The following FBXL17 variants were observed in gnomAD, a reference collection of about 807,000 sequenced individuals.
FBXL17 encodes the protein F-box/LRR-repeat protein 17.
Under a neutral mutation model 66.2 loss-of-function variants are expected in FBXL17, and 22 were observed. The ratio of observed to expected loss-of-function variants is 0.33; its 90% CI spans 0.24 to 0.47. The LOEUF is 0.47. Ranked by LOEUF, FBXL17 falls within the 20% of genes least tolerant of loss-of-function variation. The pLI is 1.00. For synonymous variants in FBXL17, 474 were observed against 400.5 expected (o/e 1.18, Z -2.19); for missense variants, 878 against 948.2 (o/e 0.93, Z 0.97).
At chr5:107,930,260 G>T (rs1328282284) in intron 7 of FBXL17, among the ~76,000 whole-genome samples, 1 of 152,108 alleles carries the variant, frequency 6.6e-6, no homozygotes, top group Non-Finnish European at 1.5e-5. Context: ...TGTTTCTGGG[G>T]CTGTGTTCAT....
At chr5:107,994,885 A>C (rs1753412006) in intron 7 of FBXL17, among the ~76,000 whole-genome samples, 1 of 152,106 alleles carries the variant, frequency 6.6e-6, no homozygotes, top group South Asian at 2.1e-4. Context: ...ATATTTCTAT[A>C]ATGTCACATA....
intron 5 of FBXL17, among the ~76,000 whole-genome samples, chr5:108,216,470 G>T (rs1176511126): frequency 2.0e-5 from 3 of 152,032 alleles, no homozygotes; most frequent in African/African-American, 7.2e-5. Context: ...TTCATTTGCA[G>T]ATTATTCATT....
In FBXL17 at chr5:108,250,143, T is replaced by G. The variant is rs528361140; in HGVS notation, c.1507-25915A>C. ...TGGCACTGCAACTGCTACCAATCAA[T>G]TTTTTCCTTTTAGAAAGAATGCATA... is the stretch of plus-strand genomic sequence containing the variant. On this transcript the variant is annotated intron_variant, in intron 4 of 8. Coordinates refer to ENST00000542267, the MANE Select transcript of FBXL17 (RefSeq NM_001163315.3). Among the ~76,000 whole-genome samples the G allele has an allele frequency of 6.6e-5, 10 of 152,222 alleles. No individual in the cohort carries two copies. The South Asian group carries it at 2.1e-3, about 32-fold the overall frequency.
intron 6 of FBXL17, among the ~76,000 whole-genome samples, 165 bp from the exon 7 acceptor site, chr5:108,021,166 T>C (rs1754585449): frequency 6.6e-6 from 1 of 151,786 alleles, no homozygotes; most frequent in African/African-American, 2.4e-5. Flanking sequence ...CTGTCATACC[T>C]AAATGACTTT....
At chr5:108,230,047 A>G (rs1262344272) in intron 4 of FBXL17, among the ~76,000 whole-genome samples, 1 of 152,218 alleles carries the variant, frequency 6.6e-6, no homozygotes, top group East Asian at 1.9e-4. Flanking sequence ...AAAAATGACC[A>G]TAATAAAAAA....
intron 7 of FBXL17, among the ~76,000 whole-genome samples, chr5:107,893,261 G>C (rs1417075094): frequency 1.3e-5 from 2 of 152,160 alleles, no homozygotes; most frequent in African/African-American, 4.8e-5. Flanking sequence ...GGAGAGGCCT[G>C]GTTCTGGATC....
Position 108,236,623 on chromosome 5 carries a change from G to A in FBXL17, c.1507-12395C>T, listed in dbSNP as rs201394177. On this transcript the variant is annotated intron_variant, in intron 4 of 8. Coordinates refer to ENST00000542267, the MANE Select transcript of FBXL17 (RefSeq NM_001163315.3). ...TGACAATGTGGAAGAATTACCAGGG[G>A]TGAACAACTAATCTCACTTGAGACC... Among the ~76,000 whole-genome samples, 5 of 152,162 alleles carry A rather than the reference G, an allele frequency of 3.3e-5. No individual in the cohort carries two copies. In the East Asian group the frequency reaches 7.7e-4, roughly 23 times the overall value.
rs149022116 is a variant in FBXL17, at chr5:108,069,203, C to T, written c.1746-48202G>A. 2.0e-4 allele frequency among the ~76,000 whole-genome samples: 31 copies of T among 152,288 alleles called. No individual in the cohort carries two copies. The East Asian group carries it at 5.8e-3, about 29-fold the overall frequency. ...CCCAGAGAACATGCCCTAAAATTTA[C>T]AACTGAATCTTGTCAACTGAAACCA... On this transcript the variant is annotated intron_variant, in intron 6 of 8. Coordinates refer to ENST00000542267, the MANE Select transcript of FBXL17 (RefSeq NM_001163315.3).
At position 108,143,735 on chromosome 5, in the gene FBXL17, A is replaced by G. The variant is rs1028612459; in HGVS notation, c.1745+42382T>C. On this transcript the variant is annotated intron_variant, in intron 6 of 8. Transcript: ENST00000542267. Reference sequence around the variant, plus strand: ...TTGCTTGTTTTCATGGGAAAAAAAAAAAAAAAAAAAAAAAAGGACCCAAGA... The same window carrying G: ...TTGCTTGTTTTCATGGGAAAAAAAAGAAAAAAAAAAAAAAAGGACCCAAGA... Among the ~76,000 whole-genome samples, 935 of 132,976 alleles carry G rather than the reference A, an allele frequency of 7.0e-3. 7 individuals are homozygous for G. Among genetic ancestry groups the G allele is most frequent in the Non-Finnish European group, 0.011 (647 of 56,472 alleles). The allele number at this position is 132,976 out of a possible 152,430, so 87.2% of individuals were successfully genotyped here.
chr5:108,217,241 C>T (rs1463571768), intron 5 of FBXL17, among the ~76,000 whole-genome samples: 1 of 152,104 alleles, frequency 6.6e-6, no homozygotes, highest in Non-Finnish European at 1.5e-5. Context: ...TCTTCTTTTG[C>T]TTATTAAACT....
At chr5:108,156,940 G>A (rs571071804) in intron 6 of FBXL17, among the ~76,000 whole-genome samples, 12 of 151,524 alleles carry the variant, frequency 7.9e-5, no homozygotes, top group African/African-American at 2.7e-4. Context: ...TTATATGAAG[G>A]ACTAAACTAA....
intron 8 of FBXL17, among the ~76,000 whole-genome samples, chr5:107,871,069 A>AAACAAAAAC (rs1554080840): frequency 0.13 from 17,212 of 130,400 alleles, 2,039 homozygotes; most frequent in African/African-American, 0.26. Context: ...AAAAAAAAAA[A>AAACAAAAAC]AAAAAAAAAA....
At chr5:108,145,641 T>C (rs1751524174) in intron 6 of FBXL17, among the ~76,000 whole-genome samples, 1 of 152,008 alleles carries the variant, frequency 6.6e-6, no homozygotes, top group Non-Finnish European at 1.5e-5. Context: ...GTTCTACAAA[T>C]AAAGAAAATG....
At chr5:107,968,449 A>G (rs1752238113) in intron 7 of FBXL17, among the ~76,000 whole-genome samples, 1 of 152,176 alleles carries the variant, frequency 6.6e-6, no homozygotes, top group Admixed American at 6.6e-5. Context: ...CATTTGTAAA[A>G]GGCAATTTAG....
intron 6 of FBXL17, among the ~76,000 whole-genome samples, chr5:108,031,022 C>T (rs866166398): frequency 2.0e-5 from 3 of 152,060 alleles, no homozygotes; most frequent in South Asian, 2.1e-4. Flanking sequence ...CATTTGGCAA[C>T]ATTTGGGGCT....
At chr5:108,224,568 T>C (rs376205264) in intron 4 of FBXL17, among the ~76,000 whole-genome samples, 1 of 148,454 alleles carries the variant, frequency 6.7e-6, no homozygotes, top group African/African-American at 2.5e-5. Flanking sequence ...AACACACACA[T>C]ATATGGTTGG....
chr5:107,985,720 C>CT (rs1412781251), intron 7 of FBXL17, among the ~76,000 whole-genome samples: 1 of 152,212 alleles, frequency 6.6e-6, no homozygotes, highest in African/African-American at 2.4e-5. Context: ...AAAGGGAACT[C>CT]TTAATGTTTT....
chr5:108,311,253 C>T (rs1376520928), intron 4 of FBXL17, among the ~76,000 whole-genome samples: 1 of 151,972 alleles, frequency 6.6e-6, no homozygotes, highest in East Asian at 1.9e-4. Flanking sequence ...CTCACTGCAA[C>T]CTCTGCCTCC....
intron 6 of FBXL17, among the ~76,000 whole-genome samples, chr5:108,069,577 C>A (rs964808381): frequency 6.6e-6 from 1 of 152,166 alleles, no homozygotes; most frequent in Non-Finnish European, 1.5e-5. Flanking sequence ...GGAAATTATA[C>A]TCATTAAAAA....
Sources: allele counts gnomAD v4.1 joint callset (sites outside exome capture counted in the v4.1 genomes callset), GRCh38; gene constraint gnomAD v4.1.1; transcripts MANE v1.5; gene names NCBI Gene and HGNC (gene_info 2026-07-23, HGNC 2026-07-21).